GRIP1: variants seen among roughly 807,000 people sequenced by gnomAD.
The protein encoded by GRIP1 is glutamate receptor-interacting protein 1.
Under a neutral mutation model 129.9 loss-of-function variants are expected in GRIP1, and 45 were observed. The ratio of observed to expected loss-of-function variants is 0.35; its 90% CI spans 0.27 to 0.44. The LOEUF is 0.44. Among genes scored for constraint, GRIP1 ranks in the 20% least tolerant of loss-of-function variants. GRIP1 has a pLI of 1.00. For missense variants in GRIP1, 1,196 were observed against 1,396.8 expected (o/e 0.86, Z 2.29); for synonymous variants, 530 against 520.8 (o/e 1.02, Z -0.24).
chr12:66,521,680 G>T (rs2061009826), intron 5 of GRIP1, among the ~76,000 whole-genome samples: 2 of 152,216 alleles, frequency 1.3e-5, no homozygotes, highest in South Asian at 4.1e-4. Flanking sequence ...AGCGCACCGG[G>T]CGCGAGCCAA....
At chr12:66,369,316 C>CT (rs202170346) in intron 23 of GRIP1, among the ~76,000 whole-genome samples, 1 of 125,866 alleles carries the variant, frequency 7.9e-6, no homozygotes, top group Non-Finnish European at 1.7e-5. Flanking sequence ...GTGGATGATA[C>CT]TTTTTTTTTC....
intron 23 of GRIP1, among the ~76,000 whole-genome samples, chr12:66,355,982 C>A (rs2054471461): frequency 6.6e-6 from 1 of 152,218 alleles, no homozygotes; most frequent in Non-Finnish European, 1.5e-5. Context: ...CAAGGCCATG[C>A]TGGGAATCAG....
chr12:66,583,139 A>G (rs917036588), intron 2 of GRIP1, among the ~76,000 whole-genome samples: 1 of 151,838 alleles, frequency 6.6e-6, no homozygotes, highest in Non-Finnish European at 1.5e-5. Flanking sequence ...CAAACCTGAG[A>G]AAAACAAGCA....
chr12:66,666,634 T>C (rs575895874), intron 1 of GRIP1, among the ~76,000 whole-genome samples: 1 of 152,268 alleles, frequency 6.6e-6, no homozygotes, highest in South Asian at 2.1e-4. Flanking sequence ...ACTGCTATTC[T>C]GGGATATCAT....
intron 1 of GRIP1, among the ~76,000 whole-genome samples, chr12:66,715,370 C>T (rs922807844): frequency 1.3e-5 from 2 of 151,684 alleles, no homozygotes; most frequent in Non-Finnish European, 1.5e-5. Flanking sequence ...AAGTTCCTCA[C>T]TTATTGGATG....
chr12:66,965,066 T>C (rs1206455177), intron 1 of GRIP1, among the ~76,000 whole-genome samples: 2 of 152,104 alleles, frequency 1.3e-5, no homozygotes, highest in Non-Finnish European at 2.9e-5. Context: ...TCTGAGGTAC[T>C]GGGGGTTAGT....
At chr12:66,584,071 T>A (rs958985196) in intron 2 of GRIP1, among the ~76,000 whole-genome samples, 13 of 149,384 alleles carry the variant, frequency 8.7e-5, no homozygotes, top group South Asian at 4.3e-4. Context: ...TGGAATACTA[T>A]GCAGCCATAA....
intron 1 of GRIP1, among the ~76,000 whole-genome samples, chr12:66,821,190 G>T (rs886082669): frequency 2.0e-5 from 3 of 151,682 alleles, no homozygotes; most frequent in Admixed American, 6.6e-5. Context: ...TCTATTTAAA[G>T]AAAAAAAATC....
chr12:66,373,912 GC>G (rs1348529315), intron 22 of GRIP1, among the ~76,000 whole-genome samples: 1 of 152,140 alleles, frequency 6.6e-6, no homozygotes, highest in Non-Finnish European at 1.5e-5. Context: ...TTGCCCAAGA[GC>G]CTGGGCATGG....
At chr12:66,859,964 A>G (rs547095572) in intron 1 of GRIP1, among the ~76,000 whole-genome samples, 1 of 152,192 alleles carries the variant, frequency 6.6e-6, no homozygotes, top group South Asian at 2.1e-4. Context: ...GGCTCTGTTT[A>G]TATTTCCAGG....
At chr12:66,515,503 G>A in intron 7 of GRIP1, 116 bp downstream of exon 7, 1 of 939,908 alleles carries the variant, frequency 1.1e-6, no homozygotes, top group Non-Finnish European at 1.7e-6. Context: ...TAGTATTTAT[G>A]AATTCTGTCT....
chr12:66,766,085 G>T (rs1186524472), intron 1 of GRIP1, among the ~76,000 whole-genome samples: 4 of 152,098 alleles, frequency 2.6e-5, no homozygotes, highest in Non-Finnish European at 5.9e-5. Context: ...ATGAAAATAT[G>T]CTCAGAGGAA....
At chr12:66,453,411 A>G (rs2058864753) in intron 11 of GRIP1, among the ~76,000 whole-genome samples, 1 of 152,226 alleles carries the variant, frequency 6.6e-6, no homozygotes, top group Non-Finnish European at 1.5e-5. Flanking sequence ...TCTGTTAAAA[A>G]AATTCATACA....
intron 7 of GRIP1, among the ~76,000 whole-genome samples, chr12:66,483,907 T>G (rs1005467929): frequency 2.0e-5 from 3 of 151,720 alleles, no homozygotes; most frequent in Non-Finnish European, 2.9e-5. Context: ...TCGCCCAGGC[T>G]GGAGTGCAGT....
intron 1 of GRIP1, among the ~76,000 whole-genome samples, chr12:66,851,059 G>C (rs1173924562): frequency 6.6e-6 from 1 of 151,180 alleles, no homozygotes; most frequent in Non-Finnish European, 1.5e-5. Flanking sequence ...TCAGCAAATA[G>C]TAGGCGCTGA....
chr12:66,562,740 G>A (rs573055538), intron 2 of GRIP1, among the ~76,000 whole-genome samples: 10 of 151,878 alleles, frequency 6.6e-5, no homozygotes, highest in South Asian at 2.1e-4. Flanking sequence ...CATCACCCCC[G>A]ACCCCCTGCC....
chr12:66,970,540 CTTTT>C (rs3051201), intron 1 of GRIP1, among the ~76,000 whole-genome samples: 10,009 of 129,722 alleles, frequency 0.077, 411 homozygotes, highest in East Asian at 0.15. Context: ...CCTCTAGTGT[CTTTT>C]TTTTTTTTTT....
chr12:66,642,209 G>A (rs1190664611), intron 1 of GRIP1, among the ~76,000 whole-genome samples: 1 of 152,072 alleles, frequency 6.6e-6, no homozygotes, highest in Non-Finnish European at 1.5e-5. Context: ...GGTGGTGTTG[G>A]GAAAGTGACA....
chr12:66,840,427 C>A (rs150018267), intron 1 of GRIP1, among the ~76,000 whole-genome samples: 1 of 151,928 alleles, frequency 6.6e-6, no homozygotes, highest in Non-Finnish European at 1.5e-5. Context: ...TACAAAACAA[C>A]GTAAGAGGCA....
Sources: allele counts gnomAD v4.1 joint callset (sites outside exome capture counted in the v4.1 genomes callset), GRCh38; gene constraint gnomAD v4.1.1; transcripts MANE v1.5; gene names NCBI Gene and HGNC (gene_info 2026-07-23, HGNC 2026-07-21).